The following STK33 variants were observed in gnomAD, a reference collection of about 807,000 sequenced individuals.
STK33 encodes serine/threonine kinase 33.
Under a neutral mutation model 58.0 loss-of-function variants are expected in STK33, and 52 were observed. The observed-to-expected ratio is 0.90, with a 90% CI of 0.72 to 1.13. The LOEUF (loss-of-function observed/expected upper bound fraction) is 1.13. STK33 is among the 50% of genes most tolerant of loss of function. The pLI is 0.00. For missense variants in STK33, 630 were observed against 604.2 expected (o/e 1.04, Z -0.45); for synonymous variants, 215 against 200.1 (o/e 1.07, Z -0.63).
intron 1 of STK33, among the ~76,000 whole-genome samples, chr11:8,491,762 C>T (rs1402214542): frequency 6.6e-6 from 1 of 152,202 alleles, no homozygotes; most frequent in Non-Finnish European, 1.5e-5. Context: ...AGAAACTCTA[C>T]AAGCCAGAAG....
intron 7 of STK33, among the ~76,000 whole-genome samples, chr11:8,463,139 G>A (rs1039960511): frequency 5.3e-5 from 8 of 152,146 alleles, no homozygotes; most frequent in African/African-American, 1.9e-4. Context: ...CCCCACCCAA[G>A]GATTAAGTCA....
chr11:8,395,490 G>A (rs772678051), intron 15 of STK33, among the ~76,000 whole-genome samples: 5 of 152,164 alleles, frequency 3.3e-5, no homozygotes, highest in Admixed American at 1.3e-4. Context: ...TTAGCAGTAT[G>A]AGAACAGACA....
intron 1 of STK33, among the ~76,000 whole-genome samples, chr11:8,504,362 G>A (rs1453898946): frequency 6.6e-6 from 1 of 152,162 alleles, no homozygotes; most frequent in Non-Finnish European, 1.5e-5. Flanking sequence ...TCTCACAATG[G>A]CAACACCCTA....
rs1435985051 is a variant in STK33, at chr11:8,530,999, AT to A, written c.-465-50386del. Among the ~76,000 whole-genome samples the A allele has an allele frequency of 3.3e-5, 5 of 152,348 alleles. No homozygotes were observed. In the East Asian group the frequency reaches 9.6e-4, roughly 29 times the overall value. ...AGCCACCACACCCAGCCTCAAAAGC[AT>A]TTTTTATGAGGCAAGAAAGATGAAA... is the stretch of plus-strand genomic sequence containing the variant. On this transcript the variant is annotated intron_variant, in intron 1 of 15. Coordinates refer to ENST00000687296, the MANE Select transcript of STK33 (RefSeq NM_001352389.2).
intron 1 of STK33, among the ~76,000 whole-genome samples, chr11:8,539,505 A>C (rs1237135074): frequency 3.3e-5 from 5 of 152,242 alleles, no homozygotes; most frequent in Non-Finnish European, 7.3e-5. Flanking sequence ...CAGCAAAAAC[A>C]GGCTATGTCC....
intron 1 of STK33, among the ~76,000 whole-genome samples, chr11:8,493,714 C>T (rs1220906941): frequency 6.6e-6 from 1 of 152,156 alleles, no homozygotes; most frequent in Non-Finnish European, 1.5e-5. Flanking sequence ...TACTGGCAAA[C>T]TGAATCCAGC....
At chr11:8,482,004 T>C (rs572212738) in intron 1 of STK33, among the ~76,000 whole-genome samples, 1 of 152,314 alleles carries the variant, frequency 6.6e-6, no homozygotes, top group South Asian at 2.1e-4. Flanking sequence ...ATAAAGCGTG[T>C]AAATCATAGC....
intron 1 of STK33, among the ~76,000 whole-genome samples, chr11:8,538,270 T>C (rs1955215370): frequency 6.6e-6 from 1 of 152,132 alleles, no homozygotes; most frequent in Non-Finnish European, 1.5e-5. Flanking sequence ...CTTATACATA[T>C]TAACTCATTT....
At chr11:8,501,221 C>T (rs1951492049) in intron 1 of STK33, among the ~76,000 whole-genome samples, 1 of 151,994 alleles carries the variant, frequency 6.6e-6, no homozygotes, top group African/African-American at 2.4e-5. Flanking sequence ...AACATTTGTG[C>T]TTTAAAGGAC....
chr11:8,583,030 C>T (rs1447130720), intron 1 of STK33, among the ~76,000 whole-genome samples: 4 of 152,212 alleles, frequency 2.6e-5, no homozygotes, highest in Admixed American at 1.3e-4. Flanking sequence ...TTAATTTCCT[C>T]AAGAAGCTTA....
the STK33 span, among the ~76,000 whole-genome samples, chr11:8,343,417 G>T: frequency 6.6e-6 from 1 of 152,222 alleles, no homozygotes; most frequent in Admixed American, 6.5e-5. Context: ...CAAATTCCTG[G>T]CACGATGAGT....
intron 15 of STK33, 48 bp downstream of exon 15, chr11:8,413,447 G>T (rs751924380): frequency 1.9e-6 from 3 of 1,594,780 alleles, no homozygotes. Flanking sequence ...TCCAGGTGTG[G>T]TGAGGGTATT....
At chr11:8,487,655 T>C (rs1005597534) in intron 1 of STK33, among the ~76,000 whole-genome samples, 1 of 152,092 alleles carries the variant, frequency 6.6e-6, no homozygotes, top group African/African-American at 2.4e-5. Context: ...AGGTCATTTC[T>C]TGAAGGGAAG....
intron 14 of STK33, among the ~76,000 whole-genome samples, chr11:8,424,674 C>G (rs1366448328): frequency 6.8e-6 from 1 of 148,078 alleles, no homozygotes; most frequent in South Asian, 2.2e-4. Flanking sequence ...TTTTAATGAT[C>G]GCCATTCTAA....
chr11:8,398,688 T>C (rs944265329), intron 15 of STK33, among the ~76,000 whole-genome samples: 17 of 151,672 alleles, frequency 1.1e-4, no homozygotes, highest in Non-Finnish European at 7.4e-5. Context: ...AGAGTCAAGA[T>C]CCATCAGTGT....
At chr11:8,453,020 G>C in intron 10 of STK33, 114 bp from the exon 11 acceptor site, 1 of 924,894 alleles carries the variant, frequency 1.1e-6, no homozygotes, top group Admixed American at 2.0e-5. Context: ...TTGGGGGTGG[G>C]AGGACTTTAA....
At chr11:8,351,031 C>A in the STK33 span, among the ~76,000 whole-genome samples, 1 of 152,074 alleles carries the variant, frequency 6.6e-6, no homozygotes, top group Non-Finnish European at 1.5e-5. Context: ...CAGAAGCTGG[C>A]CCTGGGGATG....
chr11:8,484,217 T>C (rs1382608538), intron 1 of STK33, among the ~76,000 whole-genome samples: 1 of 152,246 alleles, frequency 6.6e-6, no homozygotes, highest in Non-Finnish European at 1.5e-5. Flanking sequence ...ATGGTGTGTA[T>C]ATATCTGAAT....
downstream of STK33, among the ~76,000 whole-genome samples, chr11:8,388,875 C>T (rs1317669176): frequency 2.0e-5 from 3 of 152,232 alleles, no homozygotes; most frequent in Non-Finnish European, 4.4e-5. Flanking sequence ...TCAGGAACAT[C>T]TCCCCACCAG....
Sources: allele counts gnomAD v4.1 joint callset (sites outside exome capture counted in the v4.1 genomes callset), GRCh38; gene constraint gnomAD v4.1.1; transcripts MANE v1.5; gene names NCBI Gene and HGNC (gene_info 2026-07-23, HGNC 2026-07-21).